Variants in CADM2 observed in about 807,000 individuals in gnomAD.
CADM2 encodes the protein cell adhesion molecule 2.
Under a neutral mutation model 49.8 loss-of-function variants are expected in CADM2, and 12 were observed. That is an observed-to-expected ratio of 0.24 (90% CI 0.15 to 0.39). The LOEUF (loss-of-function observed/expected upper bound fraction) is 0.39. Among genes scored for constraint, CADM2 ranks in the 10% least tolerant of loss-of-function variants. The pLI is 1.00. For missense variants in CADM2, 378 were observed against 492.3 expected, an observed-to-expected ratio of 0.77 and a Z score of 2.20; for synonymous variants, 214 against 175.4, an observed-to-expected ratio of 1.22 and a Z score of -1.74.
At chr3:85,899,947 C>T (rs1341929389) in intron 5 of CADM2, among the ~76,000 whole-genome samples, 1 of 152,164 alleles carries the variant, frequency 6.6e-6, no homozygotes, top group Non-Finnish European at 1.5e-5. Flanking sequence ...TTGTCCATCT[C>T]TCTTCTTCTC....
intron 1 of CADM2, among the ~76,000 whole-genome samples, chr3:85,431,758 C>T (rs150855061): frequency 1.7e-3 from 248 of 146,998 alleles, no homozygotes; most frequent in African/African-American, 5.7e-3. Context: ...AAGTTTGTTG[C>T]TGAAATTTTG....
At chr3:85,627,221 G>A (rs889742096) in intron 1 of CADM2, among the ~76,000 whole-genome samples, 1 of 151,836 alleles carries the variant, frequency 6.6e-6, no homozygotes, top group South Asian at 2.1e-4. Flanking sequence ...TACAATTCAG[G>A]AACAGTGAAG....
At chr3:85,899,646 G>A (rs1003216614) in intron 5 of CADM2, among the ~76,000 whole-genome samples, 1 of 152,032 alleles carries the variant, frequency 6.6e-6, no homozygotes, top group Non-Finnish European at 1.5e-5. Flanking sequence ...TCCTTTCAGA[G>A]GTTTTTAAAA....
chr3:85,901,762 T>C (rs1716150400), intron 5 of CADM2, among the ~76,000 whole-genome samples: 1 of 152,206 alleles, frequency 6.6e-6, no homozygotes, highest in Non-Finnish European at 1.5e-5. Flanking sequence ...TTTATGATTC[T>C]ACAAGAAGCC....
intron 1 of CADM2, among the ~76,000 whole-genome samples, chr3:85,227,557 A>G (rs1347821426): frequency 1.3e-5 from 2 of 150,990 alleles, no homozygotes; most frequent in Non-Finnish European, 2.9e-5. Flanking sequence ...TCTCCTGAAT[A>G]CAGCACACTG....
intron 1 of CADM2, among the ~76,000 whole-genome samples, chr3:85,697,270 T>G (rs2066597998): frequency 6.6e-6 from 1 of 151,880 alleles, no homozygotes. Flanking sequence ...CCACATAATA[T>G]TCCCAAATGC....
intron 1 of CADM2, among the ~76,000 whole-genome samples, chr3:85,201,837 C>T (rs2041510603): frequency 6.6e-6 from 1 of 152,012 alleles, no homozygotes; most frequent in East Asian, 1.9e-4. Flanking sequence ...AATTCCAGCA[C>T]TTTGGGAGGC....
At chr3:85,179,439 T>G (rs1352655737) in intron 1 of CADM2, among the ~76,000 whole-genome samples, 2 of 151,984 alleles carry the variant, frequency 1.3e-5, no homozygotes, top group Admixed American at 6.6e-5. Context: ...GGGTTTTTGG[T>G]TTTTGCTTTT....
chr3:85,651,641 C>T (rs927556474), intron 1 of CADM2, among the ~76,000 whole-genome samples: 1 of 151,930 alleles, frequency 6.6e-6, no homozygotes, highest in Admixed American at 6.6e-5. Context: ...GTTTTGTCTT[C>T]TTTGGAGGTT....
chr3:85,785,364 T>C (rs1416882515), intron 2 of CADM2, among the ~76,000 whole-genome samples: 2 of 152,082 alleles, frequency 1.3e-5, no homozygotes, highest in African/African-American at 4.8e-5. Context: ...ATAAGACAAA[T>C]AAGTACAATT....
chr3:85,562,261 C>A (rs1377623602), intron 1 of CADM2, among the ~76,000 whole-genome samples: 1 of 151,988 alleles, frequency 6.6e-6, no homozygotes, highest in South Asian at 2.1e-4. Context: ...AGGCGGATCA[C>A]CTGAGGTCGG....
chr3:85,712,569 T>C (rs972894935), intron 1 of CADM2, among the ~76,000 whole-genome samples: 2 of 152,192 alleles, frequency 1.3e-5, no homozygotes, highest in African/African-American at 4.8e-5. Flanking sequence ...ACCTTTTCCA[T>C]TTTATTTTCA....
At chr3:85,294,473 C>T (rs1382212571) in intron 1 of CADM2, among the ~76,000 whole-genome samples, 1 of 151,986 alleles carries the variant, frequency 6.6e-6, no homozygotes, top group East Asian at 1.9e-4. Flanking sequence ...AAAGAGCCCA[C>T]ATCACCAAGT....
chr3:85,896,100 G>A (rs981020243), intron 5 of CADM2, among the ~76,000 whole-genome samples: 11 of 152,046 alleles, frequency 7.2e-5, no homozygotes, highest in African/African-American at 1.4e-4. Context: ...ACATCAGCCT[G>A]GACAAAATAA....
At chr3:85,936,845 A>G (rs1721236949) in intron 7 of CADM2, among the ~76,000 whole-genome samples, 1 of 151,766 alleles carries the variant, frequency 6.6e-6, no homozygotes, top group African/African-American at 2.4e-5. Context: ...TCCATGCCTT[A>G]TTTACCACAG....
At chr3:85,039,344 T>C (rs976721813) in intron 1 of CADM2, among the ~76,000 whole-genome samples, 1 of 149,246 alleles carries the variant, frequency 6.7e-6, no homozygotes, top group Non-Finnish European at 1.5e-5. Context: ...AGAGAATCTT[T>C]TTCTGTGATT....
At position 86,062,686 on chromosome 3, in the gene CADM2, A is replaced by T. The variant is rs1312244177; in HGVS notation, c.971-2919A>T. Among the ~76,000 whole-genome samples, 5 of 152,160 alleles carry T rather than the reference A, an allele frequency of 3.3e-5. No homozygotes were observed. In the East Asian group the frequency reaches 9.7e-4, roughly 30 times the overall value. On this transcript the variant is annotated intron_variant, in intron 8 of 9. Coordinates refer to ENST00000383699, the MANE Select transcript of CADM2 (RefSeq NM_001167675.2). ...GGCACCTGTAATCCCAGCTACTTGG[A>T]AGGCTGAGGCAGTAGAATCGCTTGT...
At chr3:85,348,002 T>C (rs1355947278) in intron 1 of CADM2, among the ~76,000 whole-genome samples, 2 of 152,020 alleles carry the variant, frequency 1.3e-5, no homozygotes, top group African/African-American at 2.4e-5. Context: ...AGAGACAGGT[T>C]TTCGCCATGA....
At chr3:85,403,087 G>T (rs1441550144) in intron 1 of CADM2, among the ~76,000 whole-genome samples, 1 of 151,940 alleles carries the variant, frequency 6.6e-6, no homozygotes, top group African/African-American at 2.4e-5. Context: ...TAGTATTTTT[G>T]TTTGATTTTT....
Sources: allele counts gnomAD v4.1 joint callset (sites outside exome capture counted in the v4.1 genomes callset), GRCh38; gene constraint gnomAD v4.1.1; transcripts MANE v1.5; gene names NCBI Gene and HGNC (gene_info 2026-07-23, HGNC 2026-07-21).